CYP19A1: variants seen among roughly 807,000 people sequenced by gnomAD.
CYP19A1 encodes aromatase.
In CYP19A1, 32 loss-of-function variants were observed where a neutral mutation model predicts 44.4. The ratio of observed to expected loss-of-function variants is 0.72; its 90% CI spans 0.54 to 0.97. The LOEUF (loss-of-function observed/expected upper bound fraction) is 0.97. CYP19A1 is among the 50% of genes least tolerant of loss of function. The probability of loss-of-function intolerance (pLI) is 0.00; values close to 1 mark genes in which losing one functional copy is unlikely to be tolerated. For missense variants in CYP19A1, 598 were observed against 637.8 expected, an observed-to-expected ratio of 0.94 and a Z score of 0.67; for synonymous variants, 212 against 215.6, an observed-to-expected ratio of 0.98 and a Z score of 0.14.
chr15:51,314,362 G>C (rs576096571), intron 1 of CYP19A1, among the ~76,000 whole-genome samples: 1 of 152,192 alleles, frequency 6.6e-6, no homozygotes, highest in Non-Finnish European at 1.5e-5. Flanking sequence ...TATCATGGTG[G>C]AAGCCAGTAT....
Position 51,236,907 on chromosome 15 carries a change from T to G in CYP19A1, c.248A>C (p.Glu83Ala). The change falls in exon 3 of 10, where the codon GAA (glutamate) becomes GCA (alanine). Residue 83 changes from glutamate to alanine, a missense_variant. Glu to Ala is a moderately radical substitution (Grantham distance 107). Coordinates refer to ENST00000396402, the MANE Select transcript of CYP19A1 (RefSeq NM_000103.4). ...ACNYYNRVYG[E>A]FMRVWISGEE... ...TCCAGAGATCCAGACTCGCATGAAT[T>G]CTCCATATACCCGGTTGTAGTAGTT... 1 of 1,614,184 alleles carries G rather than the reference T, an allele frequency of 6.2e-7. No homozygotes were observed. Among genetic ancestry groups the G allele is most frequent in the East Asian group, 2.2e-5 (1 of 44,872 alleles).
At chr15:51,242,510 T>C (rs2033829878) in intron 2 of CYP19A1, among the ~76,000 whole-genome samples, 1 of 152,118 alleles carries the variant, frequency 6.6e-6, no homozygotes, top group South Asian at 2.1e-4. Flanking sequence ...AAAGGGTACT[T>C]GTGCCAAGTC....
At chr15:51,245,847 C>A (rs911328204) in intron 1 of CYP19A1, among the ~76,000 whole-genome samples, 2 of 152,210 alleles carry the variant, frequency 1.3e-5, no homozygotes, top group African/African-American at 2.4e-5. Flanking sequence ...AGGCCTGGGG[C>A]AGTTAAGCAG....
intron 2 of CYP19A1, among the ~76,000 whole-genome samples, chr15:51,240,228 C>T (rs1172770873): frequency 6.6e-6 from 1 of 152,116 alleles, no homozygotes; most frequent in Non-Finnish European, 1.5e-5. Context: ...TTCACACATC[C>T]TCCTGCCCCT....
In CYP19A1 at chr15:51,223,593, T is replaced by TCTCTCACACACACACACACACACACA. The variant is rs1356666512; in HGVS notation, c.452-1069_452-1068insTGTGTGTGTGTGTGTGTGTGTGAGAG. On this transcript the variant is annotated intron_variant, in intron 4 of 9. Transcript: ENST00000396402. ...CTTGCTCTCTCTCTCTCTCTCTCTC[T>TCTCTCACACACACACACACACACACA]CACACACACACACACACACACACAC... Among the ~76,000 whole-genome samples the TCTCTCACACACACACACACACACACA allele has an allele frequency of 3.4e-3, 310 of 90,086 alleles. 7 individuals are homozygous for TCTCTCACACACACACACACACACACA. The highest frequency in any genetic ancestry group is 0.013 in the East Asian group (27 of 2,116). The allele number at this position is 90,086 out of a possible 152,430, so 59.1% of individuals were successfully genotyped here. A position where few individuals can be genotyped will look rare whatever the true frequency, so the allele number is the denominator to read the frequency against.
chr15:51,212,506 G>A lies in CYP19A1; in HGVS notation c.1077C>T (p.Phe359=), dbSNP rs1379510929. 6.4e-7 allele frequency: 1 copy of A among 1,572,708 alleles called. No individual in the cohort carries two copies. The highest frequency in any genetic ancestry group is 1.1e-5 in the South Asian group (1 of 90,274). The part of the protein sequence containing the change: ...DIQKLKVMEN[F]IYESMRYQPV... ...GCTGGTACCGCATGCTCTCATAAAT[G>A]AAGTTTTCCATCACTTTTAATTTTT... Residue 359 remains phenylalanine, a synonymous_variant, in exon 9 of 10, where the codon TTC becomes TTT. Coordinates refer to ENST00000396402, the MANE Select transcript of CYP19A1 (RefSeq NM_000103.4).
chr15:51,223,908 G>A lies in CYP19A1; in HGVS notation c.452-1383C>T, dbSNP rs143021823. Among the ~76,000 whole-genome samples the A allele has an allele frequency of 8.5e-4, 130 of 152,238 alleles. 1 individual carries two copies. Among genetic ancestry groups the A allele is most frequent in the Admixed American group, 2.8e-3 (43 of 15,282 alleles). ...AATGTCACTTGTGGTTTTCTCCCAG[G>A]CCGATGCATGATTTGCCTCTGTGTT... On this transcript the variant is annotated intron_variant, in intron 4 of 9. Coordinates refer to ENST00000396402, the MANE Select transcript of CYP19A1 (RefSeq NM_000103.4).
intron 5 of CYP19A1, among the ~76,000 whole-genome samples, chr15:51,221,196 A>G (rs2032046404): frequency 6.6e-6 from 1 of 152,224 alleles, no homozygotes. Context: ...CATAATAAGC[A>G]TTATGTCAAC....
chr15:51,250,173 A>G (rs1324846301), intron 1 of CYP19A1, among the ~76,000 whole-genome samples: 3 of 152,196 alleles, frequency 2.0e-5, no homozygotes, highest in Middle Eastern at 3.2e-3. Context: ...CACATAGGGA[A>G]GACTATTGAT....
intron 2 of CYP19A1, among the ~76,000 whole-genome samples, chr15:51,240,708 C>A (rs947452640): frequency 6.6e-6 from 1 of 152,194 alleles, no homozygotes; most frequent in Non-Finnish European, 1.5e-5. Context: ...AAGTGTGAAA[C>A]TAGAAACTAC....
chr15:51,289,878 T>C (rs925575617), intron 1 of CYP19A1, among the ~76,000 whole-genome samples: 2 of 152,140 alleles, frequency 1.3e-5, no homozygotes, highest in African/African-American at 4.8e-5. Context: ...CTACACAGCA[T>C]TCATGCTACC....
intron 8 of CYP19A1, 87 bp downstream of exon 8, chr15:51,214,983 G>A: frequency 1.3e-6 from 2 of 1,530,058 alleles, no homozygotes; most frequent in Non-Finnish European, 8.8e-7. Context: ...AAAATTTCAT[G>A]TTTGATATCA....
chr15:51,304,097 A>G lies in CYP19A1; in HGVS notation c.-39+34398T>C, dbSNP rs191279301. 3.5e-3 allele frequency among the ~76,000 whole-genome samples: 529 copies of G among 152,358 alleles called. 1 individual carries two copies. Among genetic ancestry groups the G allele is most frequent in the Non-Finnish European group, 6.3e-3 (427 of 68,040 alleles). On this transcript the variant is annotated intron_variant, in intron 1 of 9. Coordinates refer to ENST00000396402, the MANE Select transcript of CYP19A1 (RefSeq NM_000103.4). ...AGGGAGGAGGAAGTCATTAGAAACA[A>G]CGGTGCTCTCAGGGCACTTTGGTTT... is the stretch of plus-strand genomic sequence containing the variant.
chr15:51,211,032 A>G lies in CYP19A1; in HGVS notation c.1288T>C (p.Phe430Leu). ...KNVPYRYFQP[F>L]GFGPRGCAGK... Reference sequence around the variant, plus strand: ...GCACAGCCACGGGGCCCAAAGCCAAATGGCTGAAAGTACCTATAAGGAACC... The same window carrying G: ...GCACAGCCACGGGGCCCAAAGCCAAGTGGCTGAAAGTACCTATAAGGAACC... The change falls in exon 10 of 10, where the codon TTT becomes CTT. Residue 430 changes from phenylalanine (F) to leucine (L), a missense_variant. Transcript: ENST00000396402. 1 of 1,589,910 alleles carries G rather than the reference A, an allele frequency of 6.3e-7. No homozygotes were observed. The highest frequency in any genetic ancestry group is 8.6e-7 in the Non-Finnish European group (1 of 1,158,036).
intron 1 of CYP19A1, among the ~76,000 whole-genome samples, chr15:51,247,717 C>T (rs919696882): frequency 4.6e-5 from 7 of 152,204 alleles, no homozygotes; most frequent in South Asian, 4.1e-4. Flanking sequence ...TCAAGTGATC[C>T]GAGTCCTAAC....
chr15:51,295,810 C>T (rs2035983663), intron 1 of CYP19A1, among the ~76,000 whole-genome samples: 1 of 152,162 alleles, frequency 6.6e-6, no homozygotes, highest in African/African-American at 2.4e-5. Flanking sequence ...CAGCCAAGCC[C>T]TTCCGTTAGG....
chr15:51,280,244 C>T lies in CYP19A1; in HGVS notation c.-38-37294G>A, dbSNP rs112319498. ...CAGAGTAGCTGGGACTACAGGCGCCCGCCACCATGCCCGGCTAATTTTTTT... is the reference window on the plus strand; with the variant it reads ...CAGAGTAGCTGGGACTACAGGCGCCTGCCACCATGCCCGGCTAATTTTTTT... On this transcript the variant is annotated intron_variant, in intron 1 of 9. Transcript: ENST00000396402. 1.3e-4 allele frequency among the ~76,000 whole-genome samples: 20 copies of T among 152,096 alleles called. No individual in the cohort carries two copies. The East Asian group carries it at 2.9e-3, about 22-fold the overall frequency.
At chr15:51,213,708 C>T (rs938820132) in intron 8 of CYP19A1, among the ~76,000 whole-genome samples, 9 of 152,306 alleles carry the variant, frequency 5.9e-5, no homozygotes, top group African/African-American at 1.4e-4. Flanking sequence ...AACATGTACA[C>T]GTACATTTCA....
At chr15:51,261,342 G>A (rs2034714414) in intron 1 of CYP19A1, among the ~76,000 whole-genome samples, 2 of 152,096 alleles carry the variant, frequency 1.3e-5, no homozygotes, top group Admixed American at 1.3e-4. Flanking sequence ...CACCATCTTG[G>A]GAGCTCTAAG....
Sources: allele counts gnomAD v4.1 joint callset (sites outside exome capture counted in the v4.1 genomes callset), GRCh38; gene constraint gnomAD v4.1.1; transcripts MANE v1.5; gene names NCBI Gene and HGNC (gene_info 2026-07-23, HGNC 2026-07-21).